Variants in SPATS2L observed in about 807,000 individuals in gnomAD.
The protein encoded by SPATS2L is spermatogenesis associated serine rich 2 like.
SPATS2L carries 30 observed loss-of-function variants against 59.6 expected under a neutral mutation model. The observed-to-expected ratio is 0.50, with a 90% CI of 0.38 to 0.68. SPATS2L has a LOEUF of 0.68. Ranked by LOEUF, SPATS2L falls within the 30% of genes least tolerant of loss-of-function variation. SPATS2L has a pLI of 0.00. For synonymous variants in SPATS2L, 252 were observed against 263.5 expected, an observed-to-expected ratio of 0.96 and a Z score of 0.42; for missense variants, 615 against 700.0, an observed-to-expected ratio of 0.88 and a Z score of 1.37.
chr2:200,416,743 C>T (rs909768987), intron 5 of SPATS2L, among the ~76,000 whole-genome samples: 2 of 152,040 alleles, frequency 1.3e-5, no homozygotes, highest in Admixed American at 6.6e-5. Flanking sequence ...CTTGCCTGAA[C>T]GTATCCTGTA....
chr2:200,402,001 C>A (rs1407602596), intron 3 of SPATS2L, among the ~76,000 whole-genome samples: 1 of 152,222 alleles, frequency 6.6e-6, no homozygotes. Context: ...CATAGACAAT[C>A]AAGCCAGAAA....
At chr2:200,316,727 C>T (rs1421009428) in intron 1 of SPATS2L, among the ~76,000 whole-genome samples, 1 of 152,172 alleles carries the variant, frequency 6.6e-6, no homozygotes, top group Non-Finnish European at 1.5e-5. Flanking sequence ...AGGATCCTGT[C>T]ATGTTTCTCC....
chr2:200,442,796 T>C (rs1313049731), intron 8 of SPATS2L, among the ~76,000 whole-genome samples: 5 of 152,208 alleles, frequency 3.3e-5, no homozygotes, highest in Admixed American at 1.3e-4. Flanking sequence ...CCTCAAGAGC[T>C]GAAAGCGTGG....
Position 200,478,196 on chromosome 2 carries a change from T to C in SPATS2L, c.*165T>C. The stretch of plus-strand genomic sequence containing the variant: ...ATTCTAATAATCAGCTCTAGCTTGC[T>C]TCATAATTTTCATGGCTTTGCTTGA... On this transcript the variant is annotated 3_prime_UTR_variant, in exon 13 of 13. Coordinates refer to ENST00000409140, the MANE Select transcript of SPATS2L (RefSeq NM_001100423.2). 4.9e-6 allele frequency: 3 copies of C among 609,006 alleles called. No individual in the cohort carries two copies. In the South Asian group the frequency reaches 1.3e-4, roughly 26 times the overall value. 37.7% of individuals were successfully genotyped at this position (609,006 alleles called of 1,614,324 possible). A position where few individuals can be genotyped will look rare whatever the true frequency, so the allele number is the denominator to read the frequency against.
At chr2:200,437,630 C>A (rs1410299581) in intron 6 of SPATS2L, among the ~76,000 whole-genome samples, 2 of 152,106 alleles carry the variant, frequency 1.3e-5, no homozygotes, top group Non-Finnish European at 2.9e-5. Context: ...GTTTTCAGTA[C>A]TTATGTACTT....
At position 200,344,049 on chromosome 2, in the gene SPATS2L, A is replaced by T. The variant is rs371228971; in HGVS notation, c.-23+14569A>T. Among the ~76,000 whole-genome samples the T allele has an allele frequency of 7.8e-3, 1,174 of 151,418 alleles. 7 individuals are homozygous for T. Among genetic ancestry groups the T allele is most frequent in the South Asian group, 0.02 (95 of 4,800 alleles). On this transcript the variant is annotated intron_variant, in intron 2 of 12. Transcript: ENST00000409140. ...TAATCCATAGAGGTTATTTTTTTTA[A>T]AAAAAATTTATTTTTAAATAAAATT...
intron 6 of SPATS2L, 77 bp from the exon 7 acceptor site, chr2:200,439,045 C>T: frequency 5.5e-6 from 7 of 1,272,318 alleles, no homozygotes; most frequent in Non-Finnish European, 5.6e-6. Flanking sequence ...AAACAAAAAT[C>T]TTGGCATCCT....
At chr2:200,390,438 G>A (rs563509382) in intron 3 of SPATS2L, 1 of 152,572 alleles carries the variant, frequency 6.6e-6, no homozygotes, top group South Asian at 2.1e-4. Context: ...GCGGTGTGAT[G>A]AAGGCAAGGG....
At chr2:200,357,965 T>C (rs2080971286) in intron 2 of SPATS2L, among the ~76,000 whole-genome samples, 1 of 152,200 alleles carries the variant, frequency 6.6e-6, no homozygotes, top group Non-Finnish European at 1.5e-5. Context: ...GCTTAACCAC[T>C]GAGACAAGGA....
At chr2:200,424,776 G>A (rs2083461707) in intron 6 of SPATS2L, among the ~76,000 whole-genome samples, 1 of 152,184 alleles carries the variant, frequency 6.6e-6, no homozygotes, top group Non-Finnish European at 1.5e-5. Flanking sequence ...TGGGCCATCA[G>A]CAGCTTCCCA....
At chr2:200,426,975 A>T (rs1430727445) in intron 6 of SPATS2L, among the ~76,000 whole-genome samples, 1 of 151,030 alleles carries the variant, frequency 6.6e-6, no homozygotes, top group African/African-American at 2.4e-5. Flanking sequence ...GAAACATAAA[A>T]CCCCTCAGGT....
At chr2:200,405,089 A>C (rs1028734153) in intron 3 of SPATS2L, among the ~76,000 whole-genome samples, 1 of 152,194 alleles carries the variant, frequency 6.6e-6, no homozygotes, top group Admixed American at 6.5e-5. Flanking sequence ...GGATAAGGCC[A>C]TGGACGTCTT....
chr2:200,306,407 C>A, upstream of SPATS2L: 3 of 1,002,088 alleles, frequency 3.0e-6, no homozygotes, highest in South Asian at 1.4e-4. Context: ...CGGTCTGGAG[C>A]AAGCAAGCAA....
At chr2:200,473,199 G>A in intron 12 of SPATS2L, 147 bp downstream of exon 12, 4 of 756,034 alleles carry the variant, frequency 5.3e-6, no homozygotes, top group Non-Finnish European at 8.4e-6. Flanking sequence ...CCACCCAGCA[G>A]CACTGCCCAG....
At chr2:200,413,855 G>GT (rs1167806138) in intron 4 of SPATS2L, among the ~76,000 whole-genome samples, 1 of 152,142 alleles carries the variant, frequency 6.6e-6, no homozygotes, top group Non-Finnish European at 1.5e-5. Flanking sequence ...TTTTCTCACT[G>GT]TTTTTTCCTG....
chr2:200,375,935 C>G (rs906797260), intron 2 of SPATS2L, among the ~76,000 whole-genome samples: 40 of 152,120 alleles, frequency 2.6e-4, no homozygotes, highest in African/African-American at 9.4e-4. Context: ...CCTGACAGTG[C>G]TGGTTTTAAA....
intron 6 of SPATS2L, among the ~76,000 whole-genome samples, chr2:200,427,294 T>C (rs2083634569): frequency 6.6e-6 from 1 of 152,006 alleles, no homozygotes; most frequent in South Asian, 2.1e-4. Flanking sequence ...TGTATACCTA[T>C]ATCAAAATAT....
In SPATS2L at chr2:200,329,449, C is replaced by G. The variant is rs1243357321; in HGVS notation, c.-54C>G. The G allele has an allele frequency of 6.4e-7, 1 of 1,550,450 alleles. No homozygotes were observed. The highest frequency in any genetic ancestry group is 8.7e-7 in the Non-Finnish European group (1 of 1,146,988). On this transcript the variant is annotated 5_prime_UTR_variant, in exon 2 of 13. Transcript: ENST00000409140. ...TTCCTAGAGCTCTTCAGAAACCAGG[C>G]TGCTTTCAGGAACATTGCTGTGGAT...
At chr2:200,332,361 A>G (rs2079974088) in intron 2 of SPATS2L, among the ~76,000 whole-genome samples, 1 of 151,960 alleles carries the variant, frequency 6.6e-6, no homozygotes, top group African/African-American at 2.4e-5. Context: ...TCTCTTGCCT[A>G]AGCCTCTGGT....
Sources: allele counts gnomAD v4.1 joint callset (sites outside exome capture counted in the v4.1 genomes callset), GRCh38; gene constraint gnomAD v4.1.1; transcripts MANE v1.5; gene names NCBI Gene and HGNC (gene_info 2026-07-23, HGNC 2026-07-21).